SHANK2: variants seen among roughly 807,000 people sequenced by gnomAD.
SHANK2 encodes SH3 and multiple ankyrin repeat domains protein 2.
A neutral mutation model predicts 133.7 loss-of-function variants in SHANK2; 43 were observed. The ratio of observed to expected loss-of-function variants is 0.32; its 90% CI spans 0.25 to 0.41. SHANK2 has a LOEUF of 0.41. Ranked by LOEUF, SHANK2 falls within the 10% of genes least tolerant of loss-of-function variation. The probability of loss-of-function intolerance (pLI) is 1.00; values close to 1 mark genes in which losing one functional copy is unlikely to be tolerated. For synonymous variants in SHANK2, 1,017 were observed against 952.8 expected, an observed-to-expected ratio of 1.07 and a Z score of -1.24; for missense variants, 1,994 against 2,235.8, an observed-to-expected ratio of 0.89 and a Z score of 2.18.
chr11:70,865,440 C>T lies in SHANK2; in HGVS notation c.1174+31061G>A, dbSNP rs1263192008. On this transcript the variant is annotated intron_variant, in intron 11 of 25. Transcript: ENST00000601538. ...GGACAAGGAGAAGAATACAATGGGC[C>T]CAGGAGGCTGAATTCACCACGAGTA... 5.9e-5 allele frequency among the ~76,000 whole-genome samples: 9 copies of T among 152,220 alleles called. No homozygotes were observed. The South Asian group carries it at 1.7e-3, about 28-fold the overall frequency.
intron 4 of SHANK2, among the ~76,000 whole-genome samples, chr11:71,114,986 C>T (rs1555100063): frequency 6.6e-6 from 1 of 152,116 alleles, no homozygotes; most frequent in Non-Finnish European, 1.5e-5. Context: ...CTACAGAGGA[C>T]ACCGGCTCAG....
chr11:71,190,779 G>A (rs573419198), intron 2 of SHANK2, among the ~76,000 whole-genome samples: 1 of 152,304 alleles, frequency 6.6e-6, no homozygotes, highest in Admixed American at 6.5e-5. Context: ...CTCCACCCTG[G>A]GCTGCGTGGC....
At position 70,645,881 on chromosome 11, in the gene SHANK2, G is replaced by C. The variant is rs573530751; in HGVS notation, c.2061+13947C>G. Among the ~76,000 whole-genome samples, 3 of 151,936 alleles carry C rather than the reference G, an allele frequency of 2.0e-5. No homozygotes were observed. In the East Asian group the frequency reaches 5.9e-4, roughly 30 times the overall value. ...AACTCTGGAGCCGGAGCCAGACTTG[G>C]GTTTGAATCCTGCCCTGTCACTCCC... On this transcript the variant is annotated intron_variant, in intron 17 of 25. Transcript: ENST00000601538.
chr11:70,887,967 C>A (rs1949773862), intron 11 of SHANK2, among the ~76,000 whole-genome samples: 1 of 152,206 alleles, frequency 6.6e-6, no homozygotes, highest in South Asian at 2.1e-4. Context: ...GCTTAAGGGA[C>A]AGGCCTCGCT....
At chr11:70,495,827 G>A in intron 21 of SHANK2, 2 of 196,916 alleles carry the variant, frequency 1.0e-5, no homozygotes, top group Non-Finnish European at 2.2e-5. Flanking sequence ...AGCTCTGGGG[G>A]CAGCCGCAGA....
At chr11:71,063,940 C>G (rs1352821646) in intron 9 of SHANK2, among the ~76,000 whole-genome samples, 2 of 151,976 alleles carry the variant, frequency 1.3e-5, no homozygotes, top group Admixed American at 1.3e-4. Context: ...GCTGCTGGAC[C>G]CCCAGACCCC....
Position 70,486,210 on chromosome 11 carries a change from G to T in SHANK2, c.4083C>A (p.Ile1361=), listed in dbSNP as rs1565527821. The T allele has an allele frequency of 6.2e-7, 1 of 1,613,906 alleles. No individual in the cohort carries two copies. The highest frequency in any genetic ancestry group is 8.5e-7 in the Non-Finnish European group (1 of 1,179,906). The stretch of plus-strand genomic sequence containing the variant: ...CGGTGGTGGGCTCGGGGGCAGCGGA[G>T]ATCTGTAAAGCACCTTCGGTTTCGG... ...GVSETEGALQ[I]SAAPEPTTVP... is the part of the protein sequence containing the mutation. Residue 1361 remains isoleucine, a synonymous_variant, in exon 25 of 26, where the codon ATC becomes ATA. Coordinates refer to ENST00000601538, the MANE Select transcript of SHANK2 (RefSeq NM_012309.5). This position sits in a 1 kb window ranked among gnomAD's most constrained non-coding sequence, Gnocchi z 8.0.
chr11:70,846,922 C>T (rs1180098672), intron 11 of SHANK2, among the ~76,000 whole-genome samples: 1 of 152,202 alleles, frequency 6.6e-6, no homozygotes, highest in Non-Finnish European at 1.5e-5. Flanking sequence ...GCCCGTGGTG[C>T]TATTTAAGAG....
chr11:71,075,113 T>G (rs1406598030), intron 9 of SHANK2, 46 bp downstream of exon 9: 1 of 168,976 alleles, frequency 5.9e-6, no homozygotes, highest in Non-Finnish European at 1.3e-5. Context: ...GTTTTGGAAA[T>G]GGACCACTGT....
chr11:70,789,602 G>A (rs150958855), intron 14 of SHANK2, among the ~76,000 whole-genome samples: 17 of 152,304 alleles, frequency 1.1e-4, no homozygotes, highest in Admixed American at 5.2e-4. Context: ...TGAGGATCCC[G>A]ACTCCAACAG....
chr11:70,916,305 T>C (rs1426962887), intron 10 of SHANK2, among the ~76,000 whole-genome samples: 1 of 151,850 alleles, frequency 6.6e-6, no homozygotes, highest in African/African-American at 2.4e-5. Context: ...GGGGGAAAGG[T>C]TGGGGGACAT....
chr11:70,851,727 A>G (rs1949089831), intron 11 of SHANK2, among the ~76,000 whole-genome samples: 1 of 152,198 alleles, frequency 6.6e-6, no homozygotes, highest in South Asian at 2.1e-4. Flanking sequence ...AAATCTCACC[A>G]TGACTATTAG....
chr11:70,789,973 G>T (rs1417180637), intron 14 of SHANK2, among the ~76,000 whole-genome samples: 5 of 152,250 alleles, frequency 3.3e-5, no homozygotes, highest in African/African-American at 4.8e-5. Flanking sequence ...TAAACAGAGA[G>T]CCCTGGCCTG....
intron 11 of SHANK2, chr11:70,872,956 C>T (rs1949494036): frequency 2.1e-6 from 1 of 469,300 alleles, no homozygotes; most frequent in Non-Finnish European, 4.4e-6. Context: ...CACTCATGAC[C>T]TCCACCTCCC....
intron 14 of SHANK2, among the ~76,000 whole-genome samples, chr11:70,700,096 T>C (rs1945485620): frequency 6.6e-6 from 1 of 152,122 alleles, no homozygotes; most frequent in Non-Finnish European, 1.5e-5. Context: ...CAGCCTCGGA[T>C]TAATTTGACA....
At chr11:70,560,069 G>A (rs1479224212) in intron 17 of SHANK2, among the ~76,000 whole-genome samples, 1 of 151,768 alleles carries the variant, frequency 6.6e-6, no homozygotes, top group Non-Finnish European at 1.5e-5. Context: ...ATAGGGTTTT[G>A]GCATGTTGAC....
At chr11:71,170,944 G>C (rs1180293524) in intron 2 of SHANK2, among the ~76,000 whole-genome samples, 1 of 152,244 alleles carries the variant, frequency 6.6e-6, no homozygotes, top group African/African-American at 2.4e-5. Context: ...CACGGCTGCG[G>C]CTATGACAGC....
At chr11:71,100,381 G>C (rs73521141) in intron 6 of SHANK2, among the ~76,000 whole-genome samples, 5,896 of 152,320 alleles carry the variant, frequency 0.039, 199 homozygotes, top group African/African-American at 0.093. Context: ...CCTTCAGTAG[G>C]TGAGTGGATA....
At position 70,599,921 on chromosome 11, in the gene SHANK2, A is replaced by AAAAGAAAGAAAGAAAG. The variant is rs1565166480; in HGVS notation, c.2061+59906_2061+59907insCTTTCTTTCTTTCTTT. On this transcript the variant is annotated intron_variant, in intron 17 of 25. Transcript: ENST00000601538. ...AGAAAGAAAGAGAAAGAAAGAAAGAAAGAAAGAAAGAAAGAAAGAAAGAAA... is the reference window on the plus strand; with the variant it reads ...AGAAAGAAAGAGAAAGAAAGAAAGAAAAAGAAAGAAAGAAAGAGAAAGAAAGAAAGAAAGAAAGAAA... Among the ~76,000 whole-genome samples the AAAAGAAAGAAAGAAAG allele has an allele frequency of 3.1e-3, 189 of 61,068 alleles. 1 individual carries two copies. The highest frequency in any genetic ancestry group is 1.0e-2 in the African/African-American group (148 of 14,836). The allele number at this position is 61,068 out of a possible 152,430, so 40.1% of individuals were successfully genotyped here.
Sources: allele counts gnomAD v4.1 joint callset (sites outside exome capture counted in the v4.1 genomes callset), GRCh38; gene constraint gnomAD v4.1.1; non-coding constraint Gnocchi (gnomAD v3.1); transcripts MANE v1.5; gene names NCBI Gene and HGNC (gene_info 2026-07-23, HGNC 2026-07-21).